The following CNGB1 variants were observed in gnomAD, a reference collection of about 807,000 sequenced individuals.
The protein encoded by CNGB1 is cyclic nucleotide-gated channel beta-1.
CNGB1 carries 126 observed loss-of-function variants against 151.7 expected under a neutral mutation model. The observed-to-expected ratio is 0.83, with a 90% CI of 0.72 to 0.96. The LOEUF is 0.96. Among genes scored for constraint, CNGB1 ranks in the 40% least tolerant of loss-of-function variants. The pLI is 0.00. For missense variants in CNGB1, 1,698 were observed against 1,627.0 expected (o/e 1.04, Z -0.75); for synonymous variants, 623 against 635.1 (o/e 0.98, Z 0.29).
Position 57,901,426 on chromosome 16 carries a change from G to A in CNGB1, c.2902C>T (p.Arg968Trp), listed in dbSNP as rs780651730. 1.3e-5 allele frequency: 21 copies of A among 1,614,180 alleles called. No individual in the cohort carries two copies. Among genetic ancestry groups the A allele is most frequent in the East Asian group, 4.5e-5 (2 of 44,886 alleles). ...SKVALFQGCD[R>W]QMIFDMLKRL... ...TTCAGCATGTCAAAGATCATCTGCCGGTCACAGCCCTGTCCCGGTGAGGAA... is the reference window on the plus strand; with the variant it reads ...TTCAGCATGTCAAAGATCATCTGCCAGTCACAGCCCTGTCCCGGTGAGGAA... The change falls in exon 29 of 33, where the codon CGG becomes TGG. Residue 968 changes from arginine (R) to tryptophan (W), a missense_variant. Coordinates refer to ENST00000251102, the MANE Select transcript of CNGB1 (RefSeq NM_001297.5).
chr16:57,912,028 C>G, intron 24 of CNGB1, 153 bp from the exon 25 acceptor site: 1 of 960,738 alleles, frequency 1.0e-6, no homozygotes, highest in Non-Finnish European at 1.6e-6. Flanking sequence ...TTGAATGGGG[C>G]GTTGTCATGA....
intron 14 of CNGB1, among the ~76,000 whole-genome samples, chr16:57,948,830 T>C (rs1961872392): frequency 6.6e-6 from 1 of 152,156 alleles, no homozygotes. Flanking sequence ...AACTCTTCTG[T>C]GTGTTTAACA....
intron 31 of CNGB1, among the ~76,000 whole-genome samples, chr16:57,893,392 G>A (rs1960145484): frequency 6.6e-6 from 1 of 152,106 alleles, no homozygotes; most frequent in Non-Finnish European, 1.5e-5. Context: ...AAAGTGCTGG[G>A]ATTACAATCA....
intron 14 of CNGB1, 136 bp from the exon 15 acceptor site, chr16:57,940,457 G>A: frequency 1.3e-6 from 1 of 760,072 alleles, no homozygotes; most frequent in South Asian, 1.7e-5. Context: ...CTCAACCTCA[G>A]GAGCCTCCAG....
chr16:57,938,448 A>G (rs1961570903), intron 16 of CNGB1, among the ~76,000 whole-genome samples: 1 of 152,154 alleles, frequency 6.6e-6, no homozygotes, highest in Admixed American at 6.5e-5. Flanking sequence ...CTCCTCCCTC[A>G]GTGCCAGCCA....
At chr16:57,906,215 C>T (rs79218376) in intron 25 of CNGB1, among the ~76,000 whole-genome samples, 5,345 of 152,326 alleles carry the variant, frequency 0.035, 174 homozygotes, top group Non-Finnish European at 0.048. Flanking sequence ...CTCTCTCTCT[C>T]TCCAAGCCTC....
chr16:57,933,186 C>T (rs1961405685), intron 16 of CNGB1, among the ~76,000 whole-genome samples: 1 of 152,196 alleles, frequency 6.6e-6, no homozygotes, highest in South Asian at 2.1e-4. Context: ...CCTTGGCCTC[C>T]CAAAGTGCTG....
chr16:57,919,222 C>T lies in CNGB1; in HGVS notation c.1834G>A (p.Asp612Asn). The change falls in exon 20 of 33, where the codon GAC becomes AAC. Residue 612 changes from aspartate (D) to asparagine (N), a missense_variant. Coordinates refer to ENST00000251102, the MANE Select transcript of CNGB1 (RefSeq NM_001297.5). ...PAKKAPEPAP[D>N]TKPAEAEPVE... Reference sequence around the variant, plus strand: ...GGCTCGGCTTCAGCGGGCTTTGTGTCTGGAGCTGGCTCTGGGGCTTTCTTG... The same window carrying T: ...GGCTCGGCTTCAGCGGGCTTTGTGTTTGGAGCTGGCTCTGGGGCTTTCTTG... 6.2e-7 allele frequency: 1 copy of T among 1,614,188 alleles called. No individual in the cohort carries two copies. Among genetic ancestry groups the T allele is most frequent in the Non-Finnish European group, 8.5e-7 (1 of 1,180,040 alleles).
chr16:57,940,164 A>G, intron 15 of CNGB1, 70 bp downstream of exon 15: 1 of 1,428,948 alleles, frequency 7.0e-7, no homozygotes, highest in Non-Finnish European at 9.6e-7. Context: ...AGCAAAGTGG[A>G]CAAGGTCCCC....
At chr16:57,902,593 C>T (rs1960421559) in intron 27 of CNGB1, among the ~76,000 whole-genome samples, 3 of 144,120 alleles carry the variant, frequency 2.1e-5, no homozygotes, top group Non-Finnish European at 4.5e-5. Context: ...AGGCATGAGC[C>T]ACCGCACAGG....
chr16:57,951,811 A>T (rs1480665467), intron 12 of CNGB1, among the ~76,000 whole-genome samples: 1 of 152,170 alleles, frequency 6.6e-6, no homozygotes, highest in Non-Finnish European at 1.5e-5. Flanking sequence ...ACCTTCTTTT[A>T]TGGGGTGCTT....
At chr16:57,958,547 G>C in intron 10 of CNGB1, 62 bp from the exon 11 acceptor site, 2 of 1,441,832 alleles carry the variant, frequency 1.4e-6, no homozygotes, top group Non-Finnish European at 1.9e-6. Context: ...ACTGAGGCTG[G>C]AGTCAGCTCG....
intron 11 of CNGB1, 75 bp downstream of exon 11, chr16:57,958,335 T>C: frequency 7.2e-7 from 1 of 1,389,240 alleles, no homozygotes; most frequent in Non-Finnish European, 1.0e-6. Flanking sequence ...GGGCCAACCA[T>C]CCTCCTCCTT....
At chr16:57,950,613 G>T in intron 12 of CNGB1, 73 bp from the exon 13 acceptor site, 1 of 1,544,826 alleles carries the variant, frequency 6.5e-7, no homozygotes, top group South Asian at 1.1e-5. Flanking sequence ...GTCCCAGGGA[G>T]CCTGCAGGGA....
intron 32 of CNGB1, among the ~76,000 whole-genome samples, chr16:57,887,086 A>C (rs1178036373): frequency 6.6e-6 from 1 of 152,130 alleles, no homozygotes; most frequent in East Asian, 1.9e-4. Flanking sequence ...AGTTCTCGCT[A>C]TGTTGCCCAG....
At chr16:57,958,897 A>G (rs1272788577) in intron 10 of CNGB1, among the ~76,000 whole-genome samples, 1 of 147,198 alleles carries the variant, frequency 6.8e-6, no homozygotes, top group Non-Finnish European at 1.5e-5. Context: ...AGTTGGGACT[A>G]CAGGCACATG....
intron 16 of CNGB1, among the ~76,000 whole-genome samples, chr16:57,937,687 G>A (rs978965310): frequency 1.4e-4 from 21 of 152,280 alleles, no homozygotes; most frequent in Admixed American, 1.1e-3. Context: ...CCCAGGACTC[G>A]AACATTCTTA....
At chr16:57,899,178 G>A (rs1202023881) in intron 29 of CNGB1, among the ~76,000 whole-genome samples, 6 of 152,188 alleles carry the variant, frequency 3.9e-5, no homozygotes, top group African/African-American at 1.4e-4. Flanking sequence ...CCGAATGCAT[G>A]CATGAATGAA....
intron 30 of CNGB1, 124 bp downstream of exon 30, chr16:57,897,672 C>G: frequency 6.5e-7 from 1 of 1,532,206 alleles, no homozygotes; most frequent in African/African-American, 1.4e-5. Flanking sequence ...CGCCCCCATC[C>G]CCGCATACAT....
Sources: allele counts gnomAD v4.1 joint callset (sites outside exome capture counted in the v4.1 genomes callset), GRCh38; gene constraint gnomAD v4.1.1; transcripts MANE v1.5; gene names NCBI Gene and HGNC (gene_info 2026-07-23, HGNC 2026-07-21).